C11orf96: variants seen among roughly 807,000 people sequenced by gnomAD.
C11orf96 encodes uncharacterized protein C11orf96.
A neutral mutation model predicts 7.6 loss-of-function variants in C11orf96; 6 were observed. The observed-to-expected ratio is 0.79, with a 90% CI of 0.43 to 1.55. The LOEUF (loss-of-function observed/expected upper bound fraction) is 1.55. Among genes scored for constraint, C11orf96 ranks in the 40% most tolerant of loss-of-function variants. C11orf96 has a pLI of 0.01. For synonymous variants in C11orf96, 72 were observed against 79.0 expected (o/e 0.91, Z 0.47); for missense variants, 150 against 167.3 (o/e 0.90, Z 0.57).
Position 43,943,363 on chromosome 11 carries a change from G to T in C11orf96, c.*90G>T. The T allele has an allele frequency of 7.2e-7, 1 of 1,390,644 alleles. No homozygotes were observed. The highest frequency in any genetic ancestry group is 1.7e-5 in the South Asian group (1 of 59,254). The allele number at this position is 1,390,644 out of a possible 1,614,324, so 86.1% of individuals were successfully genotyped here. ...CGAGAGTGCCCGCGCCCTGCTCCCGGGGGACCCGCAAGGACCCGGGACCGC... is the reference window on the plus strand; with the variant it reads ...CGAGAGTGCCCGCGCCCTGCTCCCGTGGGACCCGCAAGGACCCGGGACCGC... On this transcript the variant is annotated 3_prime_UTR_variant, in exon 1 of 1. Coordinates refer to ENST00000617612, the MANE Select transcript of C11orf96 (RefSeq NM_001145033.2). The surrounding 1 kb of genome is among the most constrained non-coding windows in gnomAD (Gnocchi z 4.8).
Sources: gnomAD v4.1 joint callset for allele counts on GRCh38, gnomAD v4.1.1 for gene constraint, Gnocchi (gnomAD v3.1) non-coding constraint, MANE v1.5 for transcripts, NCBI Gene and HGNC (gene_info 2026-07-23, HGNC 2026-07-21) for gene names.